NOX4: variants seen among roughly 807,000 people sequenced by gnomAD.
The protein encoded by NOX4 is NADPH oxidase 4.
NOX4 carries 69 observed loss-of-function variants against 87.6 expected under a neutral mutation model. That is an observed-to-expected ratio of 0.79 (90% confidence interval 0.65 to 0.96). The LOEUF (loss-of-function observed/expected upper bound fraction) is 0.96. Among genes scored for constraint, NOX4 ranks in the 40% least tolerant of loss-of-function variants. NOX4 has a pLI of 0.00. For missense variants in NOX4, 680 were observed against 681.5 expected (o/e 1.00, Z 0.02); for synonymous variants, 275 against 238.2 (o/e 1.15, Z -1.42).
chr11:89,411,192 G>A (rs1046429042), intron 8 of NOX4, among the ~76,000 whole-genome samples: 2 of 152,118 alleles, frequency 1.3e-5, no homozygotes, highest in Non-Finnish European at 2.9e-5. Context: ...TCTGACTAAA[G>A]AGCCATTGGC....
chr11:89,537,833 A>G, the NOX4 span, among the ~76,000 whole-genome samples: 2 of 152,182 alleles, frequency 1.3e-5, no homozygotes, highest in Non-Finnish European at 2.9e-5. Flanking sequence ...AAGCAAGCAC[A>G]TACGACATAA....
intron 7 of NOX4, among the ~76,000 whole-genome samples, chr11:89,427,694 AG>A (rs1369848114): frequency 1.3e-5 from 2 of 152,194 alleles, no homozygotes; most frequent in African/African-American, 2.4e-5. Context: ...AAATGAACAA[AG>A]CCTCCAAGAA....
chr11:89,385,505 A>C (rs1263172361), intron 11 of NOX4, among the ~76,000 whole-genome samples: 1 of 152,106 alleles, frequency 6.6e-6, no homozygotes, highest in African/African-American at 2.4e-5. Context: ...TGGACCAAGG[A>C]TCTCCTTCCA....
the NOX4 span, among the ~76,000 whole-genome samples, chr11:89,565,883 G>A: frequency 6.6e-6 from 1 of 151,878 alleles, no homozygotes; most frequent in African/African-American, 2.4e-5. Flanking sequence ...TACATTAATT[G>A]ATTTTTCATT....
chr11:89,359,073 CT>C (rs1278582941), intron 12 of NOX4, among the ~76,000 whole-genome samples: 1 of 152,100 alleles, frequency 6.6e-6, no homozygotes, highest in Admixed American at 6.6e-5. Flanking sequence ...TCCACTCTTT[CT>C]TTCTCCCATT....
the NOX4 span, among the ~76,000 whole-genome samples, chr11:89,571,701 A>AT: frequency 2.0e-5 from 3 of 151,630 alleles, no homozygotes; most frequent in Non-Finnish European, 2.9e-5. Context: ...GAAAAAAAAA[A>AT]AAATAAACCT....
At chr11:89,463,837 T>C (rs1315487005) in intron 2 of NOX4, among the ~76,000 whole-genome samples, 1 of 152,014 alleles carries the variant, frequency 6.6e-6, no homozygotes, top group Non-Finnish European at 1.5e-5. Flanking sequence ...TGATTTTCTA[T>C]CTCAATCAGT....
intron 13 of NOX4, among the ~76,000 whole-genome samples, chr11:89,350,209 AT>A (rs1395464008): frequency 1.3e-5 from 2 of 152,312 alleles, no homozygotes; most frequent in East Asian, 3.9e-4. Context: ...GTAAAAATTG[AT>A]TAATGAACAT....
intron 17 of NOX4, among the ~76,000 whole-genome samples, chr11:89,329,933 C>A (rs964357590): frequency 1.3e-5 from 2 of 151,694 alleles, no homozygotes; most frequent in African/African-American, 4.8e-5. Context: ...TTGAATCAAC[C>A]AAAGGAAAGA....
At chr11:89,390,676 G>C (rs1941059971) in intron 11 of NOX4, among the ~76,000 whole-genome samples, 1 of 152,122 alleles carries the variant, frequency 6.6e-6, no homozygotes, top group Admixed American at 6.6e-5. Context: ...TTAGGAGCAA[G>C]TAATTTTCTG....
intron 2 of NOX4, among the ~76,000 whole-genome samples, chr11:89,456,683 C>A (rs1283416802): frequency 2.6e-5 from 4 of 152,114 alleles, no homozygotes; most frequent in African/African-American, 7.2e-5. Flanking sequence ...CCCCAAAAAT[C>A]CTGGCAACAA....
At chr11:89,408,333 A>G (rs532002815) in intron 8 of NOX4, among the ~76,000 whole-genome samples, 1 of 152,196 alleles carries the variant, frequency 6.6e-6, no homozygotes, top group Non-Finnish European at 1.5e-5. Context: ...GTTTTAACAG[A>G]TATTCGACCT....
chr11:89,362,798 T>C (rs1437480927), intron 12 of NOX4, among the ~76,000 whole-genome samples: 2 of 151,918 alleles, frequency 1.3e-5, no homozygotes, highest in East Asian at 1.9e-4. Flanking sequence ...ACCACACCAA[T>C]GCAGACACAC....
intron 7 of NOX4, among the ~76,000 whole-genome samples, chr11:89,430,257 G>T (rs994725802): frequency 2.6e-5 from 4 of 152,102 alleles, no homozygotes; most frequent in African/African-American, 7.2e-5. Context: ...ATGCTGAATG[G>T]GCAAAAACTG....
At chr11:89,421,552 G>A (rs1410784632) in intron 8 of NOX4, among the ~76,000 whole-genome samples, 1 of 152,002 alleles carries the variant, frequency 6.6e-6, no homozygotes, top group Non-Finnish European at 1.5e-5. Flanking sequence ...TAGCAGGACA[G>A]TTTCAGGAAA....
chr11:89,448,317 C>T (rs1057441748), intron 4 of NOX4, among the ~76,000 whole-genome samples: 8 of 152,184 alleles, frequency 5.3e-5, no homozygotes, highest in Middle Eastern at 3.4e-3. Flanking sequence ...ATGGACTCCT[C>T]GGAATCCATG....
chr11:89,524,385 C>T, the NOX4 span, among the ~76,000 whole-genome samples: 1 of 151,980 alleles, frequency 6.6e-6, no homozygotes, highest in African/African-American at 2.4e-5. Flanking sequence ...GTACTGAGTA[C>T]CTTCTAGGTA....
the NOX4 span, among the ~76,000 whole-genome samples, chr11:89,543,739 G>GT: frequency 6.6e-6 from 1 of 152,096 alleles, no homozygotes; most frequent in Non-Finnish European, 1.5e-5. Flanking sequence ...GACAGATAGT[G>GT]TAAGTCAACT....
chr11:89,337,657 A>C, intron 15 of NOX4, 142 bp from the exon 16 acceptor site: 1 of 1,087,034 alleles, frequency 9.2e-7, no homozygotes, highest in South Asian at 1.6e-5. Context: ...GAATACACAC[A>C]CACATACATA....
Sources: allele counts gnomAD v4.1 joint callset (sites outside exome capture counted in the v4.1 genomes callset), GRCh38; gene constraint gnomAD v4.1.1; transcripts MANE v1.5; gene names NCBI Gene and HGNC (gene_info 2026-07-23, HGNC 2026-07-21).